RERG: variants seen among roughly 807,000 people sequenced by gnomAD.
RERG encodes the protein ras-related and estrogen-regulated growth inhibitor.
A neutral mutation model predicts 23.2 loss-of-function variants in RERG; 25 were observed. The ratio of observed to expected loss-of-function variants is 1.08; its 90% CI spans 0.79 to 1.50. The LOEUF is 1.50. RERG is among the 40% of genes most tolerant of loss of function. The pLI, the probability that RERG is intolerant of heterozygous loss-of-function variation, is 0.00. For synonymous variants in RERG, 81 were observed against 89.1 expected, an observed-to-expected ratio of 0.91 and a Z score of 0.51; for missense variants, 253 against 250.1, an observed-to-expected ratio of 1.01 and a Z score of -0.08.
intron 3 of RERG, among the ~76,000 whole-genome samples, chr12:15,118,933 T>C (rs999302818): frequency 7.9e-5 from 12 of 152,240 alleles, no homozygotes; most frequent in African/African-American, 1.9e-4. Context: ...AGTAGCCATG[T>C]ATTCAACAAA....
chr12:15,209,807 C>T (rs1865342857), intron 2 of RERG, among the ~76,000 whole-genome samples: 1 of 152,048 alleles, frequency 6.6e-6, no homozygotes, highest in African/African-American at 2.4e-5. Flanking sequence ...AAAATGAAAA[C>T]CTTTGATAGC....
chr12:15,216,234 C>A (rs1248617376), intron 2 of RERG, among the ~76,000 whole-genome samples: 2 of 152,208 alleles, frequency 1.3e-5, no homozygotes, highest in Admixed American at 6.5e-5. Context: ...GTTTAACTAT[C>A]TTCAATCTTG....
chr12:15,213,993 AGTAT>A (rs1168024688), intron 2 of RERG, among the ~76,000 whole-genome samples: 4 of 89,326 alleles, frequency 4.5e-5, no homozygotes, highest in South Asian at 5.0e-4. Flanking sequence ...AAACAGAGAA[AGTAT>A]GTGTGTGTGT....
chr12:15,180,823 A>C (rs967667482), intron 2 of RERG, among the ~76,000 whole-genome samples: 4 of 152,170 alleles, frequency 2.6e-5, no homozygotes, highest in African/African-American at 9.7e-5. Flanking sequence ...GTGAGTAGGA[A>C]GCAGAATTTT....
intron 2 of RERG, chr12:15,137,784 T>G (rs1864168688): frequency 2.4e-6 from 1 of 418,646 alleles, no homozygotes; most frequent in African/African-American, 2.1e-5. Flanking sequence ...AAACTGTTAT[T>G]TGTTAGATAA....
At chr12:15,131,926 A>G (rs1482491063) in intron 2 of RERG, among the ~76,000 whole-genome samples, 2 of 152,142 alleles carry the variant, frequency 1.3e-5, no homozygotes, top group African/African-American at 4.8e-5. Flanking sequence ...GGAAGCCTTA[A>G]ACATATGGAG....
At chr12:15,221,144 C>T (rs1326010098) in intron 1 of RERG, 51 bp downstream of exon 1, 1 of 152,294 alleles carries the variant, frequency 6.6e-6, no homozygotes, top group Non-Finnish European at 1.5e-5. Flanking sequence ...CGGAATGGGT[C>T]TGCAGGAAGT....
Position 15,110,455 on chromosome 12 carries a change from A to ATTTTTTTTT in RERG, c.192+888_192+889insAAAAAAAAA, listed in dbSNP as rs1257915419. On this transcript the variant is annotated intron_variant, in intron 4 of 4. Coordinates refer to ENST00000256953, the MANE Select transcript of RERG (RefSeq NM_032918.3). ...TTAGCTTTCTGTCATTCCAGTGGCC[A>ATTTTTTTTT]TTTTTTTCTTTTTTTTTTTTTTTTT... Among the ~76,000 whole-genome samples the ATTTTTTTTT allele has an allele frequency of 6.7e-5, 4 of 59,340 alleles. No individual in the cohort carries two copies. In the East Asian group the frequency reaches 1.5e-3, roughly 22 times the overall value. The allele number at this position is 59,340 out of a possible 152,430, so 38.9% of individuals were successfully genotyped here.
intron 2 of RERG, among the ~76,000 whole-genome samples, chr12:15,178,763 A>G (rs551664471): frequency 1.3e-5 from 2 of 152,302 alleles, no homozygotes; most frequent in South Asian, 2.1e-4. Context: ...AAGTTCCTCA[A>G]TGTATGTGGA....
At chr12:15,214,247 T>C (rs1865411127) in intron 2 of RERG, among the ~76,000 whole-genome samples, 1 of 152,214 alleles carries the variant, frequency 6.6e-6, no homozygotes, top group African/African-American at 2.4e-5. Flanking sequence ...CATTCAATCC[T>C]AGTAACAACT....
chr12:15,219,219 T>C (rs1347331316), intron 1 of RERG, among the ~76,000 whole-genome samples: 2 of 152,224 alleles, frequency 1.3e-5, no homozygotes, highest in African/African-American at 4.8e-5. Flanking sequence ...GATTTTTCCA[T>C]CTATAAATTT....
chr12:15,217,896 A>C, intron 1 of RERG: 1 of 172,360 alleles, frequency 5.8e-6, no homozygotes, highest in Non-Finnish European at 1.2e-5. Flanking sequence ...GATTCTTGAT[A>C]GTAACTGAAA....
intron 2 of RERG, among the ~76,000 whole-genome samples, chr12:15,135,955 G>C (rs1190086295): frequency 6.6e-6 from 1 of 152,018 alleles, no homozygotes; most frequent in Non-Finnish European, 1.5e-5. Flanking sequence ...CTATTTTCTG[G>C]AAGAAATTAC....
chr12:15,138,047 G>C (rs1189213324), intron 2 of RERG: 1 of 251,038 alleles, frequency 4.0e-6, no homozygotes, highest in Non-Finnish European at 8.1e-6. Flanking sequence ...ATTCTAGGTC[G>C]GTGGATTTTC....
At chr12:15,134,485 G>A (rs1032663368) in intron 2 of RERG, among the ~76,000 whole-genome samples, 1 of 151,852 alleles carries the variant, frequency 6.6e-6, no homozygotes, top group Non-Finnish European at 1.5e-5. Flanking sequence ...TTTTTTCACC[G>A]ATATTATACA....
At chr12:15,200,209 C>T (rs1399029826) in intron 2 of RERG, among the ~76,000 whole-genome samples, 1 of 151,986 alleles carries the variant, frequency 6.6e-6, no homozygotes, top group African/African-American at 2.4e-5. Flanking sequence ...AACACATTTA[C>T]AAGAGCTCGT....
chr12:15,133,173 A>ATATG (rs1491445427), intron 2 of RERG, among the ~76,000 whole-genome samples: 3 of 139,768 alleles, frequency 2.1e-5, no homozygotes, highest in African/African-American at 5.3e-5. Flanking sequence ...ATATATATAT[A>ATATG]TGTACATGTA....
rs375523055 is a variant in RERG at position 15,109,085 on chromosome 12, A to C, written c.*25T>G. On this transcript the variant is annotated 3_prime_UTR_variant, in exon 5 of 5. Coordinates refer to ENST00000256953, the MANE Select transcript of RERG (RefSeq NM_032918.3). ...CAGAAGGGGAAGAGTGTTTCCAATT[A>C]GTTGGTCCACCTCAGCTGGGCTGCC... 1.4e-5 allele frequency: 21 copies of C among 1,525,364 alleles called. No individual in the cohort carries two copies. The African/African-American group carries it at 2.5e-4, about 18-fold the overall frequency. 94.5% of individuals were successfully genotyped at this position (1,525,364 alleles called of 1,614,324 possible). A position where few individuals can be genotyped will look rare whatever the true frequency, so the allele number is the denominator to read the frequency against.
At chr12:15,119,418 C>CCATAT (rs1863791866) in intron 3 of RERG, among the ~76,000 whole-genome samples, 1 of 152,034 alleles carries the variant, frequency 6.6e-6, no homozygotes, top group Non-Finnish European at 1.5e-5. Context: ...TTATAAGCTT[C>CCATAT]ATCTTTCATT....
Sources: allele counts gnomAD v4.1 joint callset (sites outside exome capture counted in the v4.1 genomes callset), GRCh38; gene constraint gnomAD v4.1.1; transcripts MANE v1.5; gene names NCBI Gene and HGNC (gene_info 2026-07-23, HGNC 2026-07-21).